STXBP5L: variants seen among roughly 807,000 people sequenced by gnomAD.
The protein encoded by STXBP5L is syntaxin binding protein 5L, also known as syntaxin-binding protein 5-like.
A neutral mutation model predicts 144.5 loss-of-function variants in STXBP5L; 65 were observed. The ratio of observed to expected loss-of-function variants is 0.45; its 90% confidence interval spans 0.37 to 0.55. The LOEUF is 0.55. Among genes scored for constraint, STXBP5L ranks in the 20% least tolerant of loss-of-function variants. The pLI, the probability that STXBP5L is intolerant of heterozygous loss-of-function variation, is 0.00. For missense variants in STXBP5L, 1,298 were observed against 1,405.5 expected (o/e 0.92, Z 1.22); for synonymous variants, 505 against 469.6 (o/e 1.08, Z -0.97).
chr3:121,021,044 TCA>T (rs1378035383), intron 3 of STXBP5L, among the ~76,000 whole-genome samples: 1 of 152,034 alleles, frequency 6.6e-6, no homozygotes, highest in Non-Finnish European at 1.5e-5. Flanking sequence ...ACATAAGGAC[TCA>T]CATAAACTTA....
At position 121,381,641 on chromosome 3, in the gene STXBP5L, T is replaced by C. The variant is rs868742278; in HGVS notation, c.2587+109T>C. 5.9e-5 allele frequency: 82 copies of C among 1,389,342 alleles called. No homozygotes were observed. The Middle Eastern group carries it at 2.2e-3, about 37-fold the overall frequency. 86.1% of individuals were successfully genotyped at this position (1,389,342 alleles called of 1,614,324 possible). A position where few individuals can be genotyped will look rare whatever the true frequency, so the allele number is the denominator to read the frequency against. The stretch of plus-strand genomic sequence containing the variant: ...TTTGGAGCAAAGGTTATAAGTATTC[T>C]GCACAATGGGAACTATTAAGAATTT... On this transcript the variant is annotated intron_variant, in intron 22 of 26. Transcript: ENST00000471454.
intron 9 of STXBP5L, among the ~76,000 whole-genome samples, chr3:121,160,820 C>T (rs2046298582): frequency 1.3e-5 from 2 of 151,960 alleles, no homozygotes. Context: ...AGTAGAATTC[C>T]ATTTTAATTT....
At chr3:121,373,502 G>A (rs2046093363) in intron 20 of STXBP5L, among the ~76,000 whole-genome samples, 1 of 152,148 alleles carries the variant, frequency 6.6e-6, no homozygotes, top group Admixed American at 6.5e-5. Context: ...GGTGCCCAAT[G>A]ACTCCTGCAT....
At chr3:121,352,177 C>T (rs9850009) in intron 20 of STXBP5L, among the ~76,000 whole-genome samples, 1 of 151,852 alleles carries the variant, frequency 6.6e-6, no homozygotes, top group South Asian at 2.1e-4. Context: ...GATCTTTTTT[C>T]GTTCCGTATG....
chr3:121,313,100 C>G (rs1357036351), intron 19 of STXBP5L, among the ~76,000 whole-genome samples: 4 of 138,468 alleles, frequency 2.9e-5, no homozygotes, highest in African/African-American at 5.4e-5. Context: ...CTGACCCCCC[C>G]ACCACCCTCC....
At position 121,318,480 on chromosome 3, in the gene STXBP5L, A is replaced by G; in HGVS notation, c.2116A>G (p.Thr706Ala). ...RKNKQFIAGL[T>A]ELNDSPVPLE... is the part of the protein sequence containing the mutation. ...TTTTTTCATTGTATTTTCAGGTTTA[A>G]CTGAACTGAATGACAGTCCAGTTCC... The change falls in exon 20 of 27, where the codon ACT (threonine) becomes GCT (alanine). Residue 706 changes from threonine (T) to alanine (A), a missense_variant. Thr to Ala is a moderately conservative substitution (Grantham distance 58). Coordinates refer to ENST00000471454, the MANE Select transcript of STXBP5L (RefSeq NM_001308330.2). 1 of 1,557,924 alleles carries G rather than the reference A, an allele frequency of 6.4e-7. No homozygotes were observed.
chr3:121,004,600 G>C (rs2108071972), intron 3 of STXBP5L, among the ~76,000 whole-genome samples: 1 of 152,162 alleles, frequency 6.6e-6, no homozygotes, highest in East Asian at 1.9e-4. Flanking sequence ...GAATAGGAGT[G>C]GTGAGAGAGG....
At chr3:120,976,181 T>A (rs921667818) in intron 3 of STXBP5L, among the ~76,000 whole-genome samples, 1 of 152,196 alleles carries the variant, frequency 6.6e-6, no homozygotes, top group Non-Finnish European at 1.5e-5. Context: ...TCCTGGACTC[T>A]TTTTGGTTGG....
chr3:121,208,036 A>T (rs971344921), intron 10 of STXBP5L, among the ~76,000 whole-genome samples: 1 of 152,180 alleles, frequency 6.6e-6, no homozygotes, highest in African/African-American at 2.4e-5. Context: ...ATGCACATGT[A>T]TGTTTATTGC....
chr3:121,375,160 C>G (rs1422651530), intron 20 of STXBP5L, among the ~76,000 whole-genome samples: 1 of 151,954 alleles, frequency 6.6e-6, no homozygotes, highest in African/African-American at 2.4e-5. Flanking sequence ...GCACTTGTAC[C>G]CTTTAAATTT....
At chr3:120,943,334 A>G (rs1344633784) in intron 2 of STXBP5L, among the ~76,000 whole-genome samples, 1 of 151,810 alleles carries the variant, frequency 6.6e-6, no homozygotes, top group East Asian at 1.9e-4. Context: ...AGACATTTAT[A>G]TGATGAAGAA....
At chr3:120,925,545 G>A (rs1448964036) in intron 2 of STXBP5L, among the ~76,000 whole-genome samples, 4 of 152,060 alleles carry the variant, frequency 2.6e-5, no homozygotes, top group African/African-American at 7.2e-5. Context: ...TCAGAATGTG[G>A]ATTTATTGTA....
intron 5 of STXBP5L, among the ~76,000 whole-genome samples, chr3:121,062,102 C>G (rs188360732): frequency 2.7e-4 from 41 of 152,164 alleles, no homozygotes; most frequent in Admixed American, 1.2e-3. Flanking sequence ...GGTGCTGGTA[C>G]CAGTTGTTCC....
chr3:121,421,283 A>C lies in STXBP5L; in HGVS notation c.*2186A>C, dbSNP rs1228153374. On this transcript the variant is annotated 3_prime_UTR_variant, in exon 27 of 27. Coordinates refer to ENST00000471454, the MANE Select transcript of STXBP5L (RefSeq NM_001308330.2). ...TCAGTCCAAAGTAGCAGTACATTTG[A>C]TGAGTATTTCTGAAGCCTTCAATAA... The C allele has an allele frequency of 6.6e-6, 1 of 152,172 alleles. No homozygotes were observed. Among genetic ancestry groups the C allele is most frequent in the African/African-American group, 2.4e-5 (1 of 41,460 alleles). 9.4% of individuals were successfully genotyped at this position (152,172 alleles called of 1,614,324 possible).
intron 18 of STXBP5L, among the ~76,000 whole-genome samples, chr3:121,279,539 G>A (rs181483915): frequency 7.2e-5 from 11 of 151,888 alleles, no homozygotes; most frequent in South Asian, 4.2e-4. Flanking sequence ...TTTAAAGAGC[G>A]GATTGGGTAA....
In STXBP5L at chr3:121,419,564, A is replaced by C. The variant is rs1441320075; in HGVS notation, c.*467A>C. ...ATTGGGCCACACTCAACAATTTAAA[A>C]AATCTGCATTTGAAGATGTCAGTGC... On this transcript the variant is annotated 3_prime_UTR_variant, in exon 27 of 27. Transcript: ENST00000471454. The C allele has an allele frequency of 6.6e-6, 1 of 152,444 alleles. No individual in the cohort carries two copies. Among genetic ancestry groups the C allele is most frequent in the Admixed American group, 6.5e-5 (1 of 15,268 alleles). The allele number at this position is 152,444 out of a possible 1,614,324, so 9.4% of individuals were successfully genotyped here.
In STXBP5L at chr3:120,975,066, C is replaced by T. The variant is rs575519323; in HGVS notation, c.287+20029C>T. 4.7e-4 allele frequency among the ~76,000 whole-genome samples: 71 copies of T among 152,158 alleles called. 1 individual carries two copies. In the East Asian group the frequency reaches 0.013, roughly 29 times the overall value. On this transcript the variant is annotated intron_variant, in intron 3 of 26. Transcript: ENST00000471454. The stretch of plus-strand genomic sequence containing the variant: ...CGTATGAACTTTAAAGTAGTTTTTT[C>T]CAATTCTGTGAAGAAAGTCATTGGT...
chr3:121,006,260 G>A (rs575568316), intron 3 of STXBP5L, among the ~76,000 whole-genome samples: 7 of 152,248 alleles, frequency 4.6e-5, no homozygotes, highest in Admixed American at 4.6e-4. Context: ...TATATATTTA[G>A]GATAGTTAGC....
chr3:121,021,465 C>T (rs1213929397), intron 3 of STXBP5L, among the ~76,000 whole-genome samples: 1 of 151,946 alleles, frequency 6.6e-6, no homozygotes, highest in Non-Finnish European at 1.5e-5. Flanking sequence ...CAGAATATAC[C>T]TTCCATTCAT....
Sources: allele counts gnomAD v4.1 joint callset (sites outside exome capture counted in the v4.1 genomes callset), GRCh38; gene constraint gnomAD v4.1.1; transcripts MANE v1.5; gene names NCBI Gene and HGNC (gene_info 2026-07-23, HGNC 2026-07-21).